The following CNTRL variants were observed in gnomAD, a reference collection of about 807,000 sequenced individuals.
CNTRL encodes 110 kDa centrosomal protein.
Under a neutral mutation model 303.7 loss-of-function variants are expected in CNTRL, and 233 were observed. The ratio of observed to expected loss-of-function variants is 0.77; its 90% confidence interval spans 0.69 to 0.86. The LOEUF (loss-of-function observed/expected upper bound fraction) is 0.86. Ranked by LOEUF, CNTRL falls within the 40% of genes least tolerant of loss-of-function variation. The probability of loss-of-function intolerance (pLI) is 0.00; values close to 1 mark genes in which losing one functional copy is unlikely to be tolerated. For missense variants in CNTRL, 2,524 were observed against 2,650.6 expected (o/e 0.95, Z 1.05); for synonymous variants, 900 against 922.2 (o/e 0.98, Z 0.44).
At chr9:121,111,025 CTGT>C (rs898800908) in intron 8 of CNTRL, 7 of 152,084 alleles carry the variant, frequency 4.6e-5, no homozygotes, top group African/African-American at 1.4e-4. Context: ...TCACATTTGC[CTGT>C]TGTTTGCCAC....
chr9:121,095,552 C>G (rs1564198611), intron 5 of CNTRL, among the ~76,000 whole-genome samples: 2 of 152,058 alleles, frequency 1.3e-5, no homozygotes, highest in African/African-American at 4.8e-5. Flanking sequence ...CAAAATGATA[C>G]AAGAATCAAA....
At position 121,154,806 on chromosome 9, in the gene CNTRL, GA is replaced by G; in HGVS notation, c.4261del (p.Ile1421LeufsTer9). The G allele has an allele frequency of 1.2e-6, 2 of 1,613,038 alleles. No homozygotes were observed. Among genetic ancestry groups the G allele is most frequent in the Non-Finnish European group, 8.5e-7 (1 of 1,178,972 alleles). On this transcript the variant is annotated frameshift_variant, in exon 27 of 44. Coordinates refer to ENST00000373855, the MANE Select transcript of CNTRL (RefSeq NM_007018.6). LOFTEE classifies it high-confidence loss of function. ...CAAACATCATGAAGATATTGTAGAT[GA>G]AATTGAGTGCATTGAGAAGACTCTT... Reference protein sequence around the residue: ...SLKHHEDIVDEIECIEKTLLK... With the variant: ...SLKHHEDIVDXIECIEKTLLK...
In CNTRL at chr9:121,175,187, C is replaced by G. The variant is rs965041473; in HGVS notation, c.6917C>G (p.Ser2306Cys). The G allele has an allele frequency of 6.2e-7, 1 of 1,614,150 alleles. No individual in the cohort carries two copies. Among genetic ancestry groups the G allele is most frequent in the African/African-American group, 1.3e-5 (1 of 75,050 alleles). ...TCACCCAGTCTGTCTCAGCTGGAGT[C>G]TTCCCTCACAGAGGACTCTCAACTT... ...ASSPSLSQLE[S>C]SLTEDSQLGQ... The change falls in exon 43 of 44, where the codon TCT (serine) becomes TGT (cysteine). Residue 2306 changes from serine to cysteine, a missense_variant. Physicochemically the swap from Ser to Cys is moderately radical, Grantham distance 112. Coordinates refer to ENST00000373855, the MANE Select transcript of CNTRL (RefSeq NM_007018.6).
At chr9:121,088,037 G>A (rs2048414478) in intron 2 of CNTRL, among the ~76,000 whole-genome samples, 1 of 152,142 alleles carries the variant, frequency 6.6e-6, no homozygotes, top group Admixed American at 6.5e-5. Context: ...GACTAGTTTG[G>A]TTCAATAAAC....
intron 2 of CNTRL, among the ~76,000 whole-genome samples, chr9:121,081,377 G>C (rs2048134291): frequency 6.6e-6 from 1 of 152,202 alleles, no homozygotes; most frequent in South Asian, 2.1e-4. Context: ...GTGGACACCA[G>C]CTGCATGTCC....
intron 26 of CNTRL, among the ~76,000 whole-genome samples, chr9:121,153,259 C>T (rs1005566438): frequency 6.6e-6 from 1 of 152,228 alleles, no homozygotes; most frequent in African/African-American, 2.4e-5. Flanking sequence ...GACTGTTCCA[C>T]TTTCCCATGT....
chr9:121,120,139 T>G (rs1334747783), intron 12 of CNTRL, among the ~76,000 whole-genome samples: 2 of 152,236 alleles, frequency 1.3e-5, no homozygotes, highest in East Asian at 3.9e-4. Flanking sequence ...TTAAAGAACT[T>G]TAAGATCTCT....
Position 121,125,888 on chromosome 9 carries a change from G to C in CNTRL, c.1977G>C (p.Glu659Asp). 6.2e-7 allele frequency: 1 copy of C among 1,614,232 alleles called. No homozygotes were observed. Among genetic ancestry groups the C allele is most frequent in the Non-Finnish European group, 8.5e-7 (1 of 1,180,040 alleles). The change falls in exon 14 of 44, where the codon GAG becomes GAC. Residue 659 changes from glutamate (E) to aspartate (D), a missense_variant. Coordinates refer to ENST00000373855, the MANE Select transcript of CNTRL (RefSeq NM_007018.6). ...LLQRLTEVEQERDQLEIVAMD... is the reference protein window; with the variant it reads ...LLQRLTEVEQDRDQLEIVAMD... The stretch of plus-strand genomic sequence containing the variant: ...AGAGATTGACAGAAGTCGAGCAGGA[G>C]AGAGACCAGCTGGAAATAGTTGCCA...
At chr9:121,081,488 C>T (rs2048138936) in intron 2 of CNTRL, among the ~76,000 whole-genome samples, 2 of 152,160 alleles carry the variant, frequency 1.3e-5, no homozygotes, top group Non-Finnish European at 2.9e-5. Flanking sequence ...TTCAGATGCC[C>T]ATTACAAGTA....
chr9:121,121,808 T>C (rs2050241552), intron 12 of CNTRL: 3 of 985,318 alleles, frequency 3.0e-6, no homozygotes, highest in Non-Finnish European at 3.6e-6. Context: ...TCTGCGAAGT[T>C]ACAGAGGCTC....
At chr9:121,174,965 A>G (rs2131959243) in intron 42 of CNTRL, 53 bp from the exon 43 acceptor site, 1 of 1,506,000 alleles carries the variant, frequency 6.6e-7, no homozygotes, top group South Asian at 1.1e-5. Flanking sequence ...GCTGAGCGGC[A>G]GTTCTGGTAC....
intron 27 of CNTRL, among the ~76,000 whole-genome samples, chr9:121,157,213 A>G (rs2052618129): frequency 1.3e-5 from 2 of 152,234 alleles, no homozygotes; most frequent in East Asian, 1.9e-4. Flanking sequence ...AAGGCTACAC[A>G]GTATTCCACT....
At chr9:121,087,650 C>G (rs781497308) in intron 2 of CNTRL, among the ~76,000 whole-genome samples, 1 of 152,110 alleles carries the variant, frequency 6.6e-6, no homozygotes, top group Non-Finnish European at 1.5e-5. Context: ...GAGATCGCAC[C>G]ATTGCACTCC....
rs1321946384 is a variant in CNTRL, at chr9:121,092,571, CTA to C, written c.348+2175_348+2176del. Among the ~76,000 whole-genome samples the C allele has an allele frequency of 1.8e-3, 10 of 5,674 alleles. 4 individuals carry two copies. Among genetic ancestry groups the C allele is most frequent in the African/African-American group, 2.1e-3 (4 of 1,932 alleles). 3.7% of individuals were successfully genotyped at this position (5,674 alleles called of 152,430 possible). On this transcript the variant is annotated intron_variant, in intron 4 of 43. Coordinates refer to ENST00000373855, the MANE Select transcript of CNTRL (RefSeq NM_007018.6). The stretch of plus-strand genomic sequence containing the variant: ...ATATATCTATATATATAATATATAT[CTA>C]TATATATAATATATATCTATATATA...
At chr9:121,113,399 C>G (rs2049838284) in intron 9 of CNTRL, 103 bp from the exon 10 acceptor site, 1 of 579,412 alleles carries the variant, frequency 1.7e-6, no homozygotes, top group Admixed American at 3.0e-5. Context: ...TTTATATAAA[C>G]TTGAGCAATT....
At chr9:121,116,005 T>G (rs2049958508) in intron 11 of CNTRL, among the ~76,000 whole-genome samples, 1 of 151,092 alleles carries the variant, frequency 6.6e-6, no homozygotes, top group African/African-American at 2.4e-5. Context: ...GTCCCTCTCA[T>G]GGACAGACTT....
At position 121,177,588 on chromosome 9, in the gene CNTRL, T is replaced by C. The variant is rs2053577357; in HGVS notation, c.*402T>C. 9.8e-6 allele frequency: 2 copies of C among 203,266 alleles called. No individual in the cohort carries two copies. Among genetic ancestry groups the C allele is most frequent in the Non-Finnish European group, 2.0e-5 (2 of 100,004 alleles). 12.6% of individuals were successfully genotyped at this position (203,266 alleles called of 1,614,324 possible). ...TTTTGCTTAAAATCTATTTTTCATA[T>C]GAAAATAAAAGATAACAATCAACTT... On this transcript the variant is annotated 3_prime_UTR_variant, in exon 44 of 44. Transcript: ENST00000373855.
At chr9:121,097,975 T>C (rs2048963879) in intron 6 of CNTRL, among the ~76,000 whole-genome samples, 3 of 152,300 alleles carry the variant, frequency 2.0e-5, no homozygotes, top group Admixed American at 6.5e-5. Context: ...AAATATTTTT[T>C]ATAACTATTC....
At position 121,154,834 on chromosome 9, in the gene CNTRL, T is replaced by A; in HGVS notation, c.4286T>A (p.Leu1429Gln). ...DEIECIEKTL[L>Q]KRRSELREAD... is the part of the protein sequence containing the mutation. ...ATTGAGTGCATTGAGAAGACTCTTCTGAAACGTCGCTCAGAGCTCAGGGAA... is the reference window on the plus strand; with the variant it reads ...ATTGAGTGCATTGAGAAGACTCTTCAGAAACGTCGCTCAGAGCTCAGGGAA... Residue 1429 changes from leucine (L) to glutamine (Q), a missense_variant, in exon 27 of 44, where the codon CTG (leucine) becomes CAG (glutamine). Transcript: ENST00000373855. 1 of 1,614,204 alleles carries A rather than the reference T, an allele frequency of 6.2e-7. No individual in the cohort carries two copies. The highest frequency in any genetic ancestry group is 8.5e-7 in the Non-Finnish European group (1 of 1,180,006).
Sources: gnomAD v4.1 joint callset for allele counts (sites outside exome capture counted in the v4.1 genomes callset) on GRCh38, gnomAD v4.1.1 for gene constraint, MANE v1.5 for transcripts, NCBI Gene and HGNC (gene_info 2026-07-23, HGNC 2026-07-21) for gene names.